Variants in NT5C1B observed in about 807,000 individuals in gnomAD.
NT5C1B encodes 5'-nucleotidase, cytosolic IB.
In NT5C1B, 44 loss-of-function variants were observed where a neutral mutation model predicts 57.8. The observed-to-expected ratio is 0.76, with a 90% CI of 0.60 to 0.98. The LOEUF (loss-of-function observed/expected upper bound fraction) is 0.98, where lower values mean the gene tolerates loss of function less well. NT5C1B is among the 50% of genes least tolerant of loss of function. The pLI is 0.00. For missense variants in NT5C1B, 742 were observed against 719.5 expected, an observed-to-expected ratio of 1.03 and a Z score of -0.36; for synonymous variants, 284 against 282.6, an observed-to-expected ratio of 1.00 and a Z score of -0.05.
intron 8 of NT5C1B, among the ~76,000 whole-genome samples, chr2:18,573,457 C>G: frequency 6.6e-6 from 1 of 152,004 alleles, no homozygotes; most frequent in East Asian, 1.9e-4. Flanking sequence ...CACACACACA[C>G]ACACACAAAC....
chr2:18,584,283 T>C lies in NT5C1B; in HGVS notation c.724-28A>G, dbSNP rs752247727. The stretch of plus-strand genomic sequence containing the variant: ...GCAGAGAGGGACGCCAAAGGGAGGA[T>C]AGTCACATAGCCACGAAGAGGACAG... On this transcript the variant is annotated intron_variant, in intron 4 of 8. Transcript: ENST00000304081. This position sits in a 1 kb window ranked among gnomAD's most constrained non-coding sequence, Gnocchi z 5.8. 21 of 1,607,068 alleles carry C rather than the reference T, an allele frequency of 1.3e-5. No homozygotes were observed. In the Admixed American group the frequency reaches 2.3e-4, roughly 18 times the overall value.
chr2:18,575,928 A>G (rs1026179333), intron 8 of NT5C1B, among the ~76,000 whole-genome samples: 1 of 152,184 alleles, frequency 6.6e-6, no homozygotes, highest in African/African-American at 2.4e-5. Flanking sequence ...CAGACTTCTT[A>G]TCATGGGAAG....
At chr2:18,587,093 A>G (rs376548938) in intron 2 of NT5C1B, 85 of 1,614,066 alleles carry the variant, frequency 5.3e-5, no homozygotes, top group Non-Finnish European at 7.1e-5. Flanking sequence ...CCTCAGCTGC[A>G]CAAAGGCAGC....
At chr2:18,563,661 C>G (rs1383656571) in exon 9 of NT5C1B, 4 of 999,302 alleles carry the variant, frequency 4.0e-6, no homozygotes, top group Non-Finnish European at 4.1e-6. Flanking sequence ...TCCAAAAAAT[C>G]AGGAGAAAAC....
At chr2:18,572,778 G>T (rs762755550) in intron 8 of NT5C1B, among the ~76,000 whole-genome samples, 51 of 151,950 alleles carry the variant, frequency 3.4e-4, no homozygotes, top group Admixed American at 3.3e-3. Flanking sequence ...AAGAAAGAAA[G>T]AAAAGAAAAA....
intron 2 of NT5C1B, chr2:18,587,111 C>G (rs772852410): frequency 6.2e-7 from 1 of 1,614,024 alleles, no homozygotes; most frequent in African/African-American, 1.3e-5. Context: ...AGCGTCTACA[C>G]GACGAGTGAC....
chr2:18,587,255 CT>C lies in NT5C1B; in HGVS notation c.120+247del, dbSNP rs1180861531. The C allele has an allele frequency of 2.8e-5, 43 of 1,512,214 alleles. No individual in the cohort carries two copies. In the African/African-American group the frequency reaches 4.5e-4, roughly 16 times the overall value. The allele number at this position is 1,512,214 out of a possible 1,614,324, so 93.7% of individuals were successfully genotyped here. ...ATTTGAACAAAGACCAGTCTCCCCC[CT>C]GTGTAGGCTGAGCAGAGGAGCCTGC... is the stretch of plus-strand genomic sequence containing the variant. On this transcript the variant is annotated intron_variant, in intron 2 of 8. Coordinates refer to ENST00000304081, the Ensembl canonical transcript of NT5C1B.
intron 8 of NT5C1B, among the ~76,000 whole-genome samples, chr2:18,570,816 G>A (rs1572321278): frequency 6.6e-6 from 1 of 152,126 alleles, no homozygotes; most frequent in East Asian, 1.9e-4. Flanking sequence ...TGGATTCAGC[G>A]ATATATGAAA....
chr2:18,583,493 C>T (rs1666367277), intron 5 of NT5C1B: 1 of 245,588 alleles, frequency 4.1e-6, no homozygotes, highest in African/African-American at 2.2e-5. Context: ...TGTATCCTGC[C>T]CATGCTTTTA....
At chr2:18,585,032 C>G in intron 3 of NT5C1B, 54 bp from the exon 4 acceptor site, 6 of 1,586,798 alleles carry the variant, frequency 3.8e-6, no homozygotes, top group Non-Finnish European at 5.1e-6. Flanking sequence ...CATCTCCGGT[C>G]AAGGATCTGT....
chr2:18,586,991 C>T (rs750278489), intron 2 of NT5C1B: 2 of 1,614,050 alleles, frequency 1.2e-6, no homozygotes, highest in African/African-American at 1.3e-5. Context: ...GATCTCTGCT[C>T]ACCCTCATCA....
At chr2:18,579,103 C>T (rs553635117) in intron 6 of NT5C1B, among the ~76,000 whole-genome samples, 9 of 152,100 alleles carry the variant, frequency 5.9e-5, no homozygotes, top group South Asian at 2.1e-4. Context: ...AAAATCTCTA[C>T]AAGGATTACA....
At chr2:18,563,806 A>T in exon 9 of NT5C1B, 1 of 1,552,726 alleles carries the variant, frequency 6.4e-7, no homozygotes, top group Non-Finnish European at 8.7e-7. Flanking sequence ...CTAACTACTG[A>T]ATTTTTTATT....
chr2:18,583,576 T>G (rs1320687849), intron 5 of NT5C1B: 1 of 320,546 alleles, frequency 3.1e-6, no homozygotes, highest in Non-Finnish European at 6.1e-6. Flanking sequence ...ATGATGTTAT[T>G]GTGTAATATT....
chr2:18,575,884 G>A (rs1427887772), intron 8 of NT5C1B, among the ~76,000 whole-genome samples: 1 of 152,108 alleles, frequency 6.6e-6, no homozygotes, highest in Non-Finnish European at 1.5e-5. Context: ...TTATTGATAA[G>A]CAGTATTTCC....
intron 6 of NT5C1B, among the ~76,000 whole-genome samples, chr2:18,577,238 T>C (rs1665767350): frequency 6.6e-6 from 1 of 152,018 alleles, no homozygotes; most frequent in Non-Finnish European, 1.5e-5. Flanking sequence ...TAAAGACTTA[T>C]CTAACACACT....
At chr2:18,583,874 A>G (rs1200408163) in intron 5 of NT5C1B, 1 of 781,578 alleles carries the variant, frequency 1.3e-6, no homozygotes, top group African/African-American at 1.7e-5. Context: ...GAAGACTAAC[A>G]TACCAAATCT....
chr2:18,585,069 C>T, intron 3 of NT5C1B, 91 bp from the exon 4 acceptor site: 1 of 1,527,416 alleles, frequency 6.5e-7, no homozygotes, highest in Non-Finnish European at 9.0e-7. Flanking sequence ...ATTCCTAGAC[C>T]TTTGATGGGT....
chr2:18,579,464 A>G (rs1457242769), intron 6 of NT5C1B, among the ~76,000 whole-genome samples: 5 of 152,236 alleles, frequency 3.3e-5, no homozygotes, highest in African/African-American at 9.6e-5. Flanking sequence ...GGAACAGGTT[A>G]GAAAACCCAG....
Sources: gnomAD v4.1 joint callset for allele counts (sites outside exome capture counted in the v4.1 genomes callset) on GRCh38, gnomAD v4.1.1 for gene constraint, Gnocchi (gnomAD v3.1) non-coding constraint, MANE v1.5 for transcripts, NCBI Gene and HGNC (gene_info 2026-07-23, HGNC 2026-07-21) for gene names.